CLASP1: variants seen among roughly 807,000 people sequenced by gnomAD.
The protein encoded by CLASP1 is cytoplasmic linker associated protein 1, also known as CLIP-associating protein 1.
A neutral mutation model predicts 192.3 loss-of-function variants in CLASP1; 38 were observed. The observed-to-expected ratio is 0.20, with a 90% CI of 0.15 to 0.26. The LOEUF is 0.26. CLASP1 is among the 10% of genes least tolerant of loss of function. The pLI is 1.00. For synonymous variants in CLASP1, 691 were observed against 712.8 expected (o/e 0.97, Z 0.49); for missense variants, 1,433 against 1,932.5 (o/e 0.74, Z 4.85).
intron 1 of CLASP1, among the ~76,000 whole-genome samples, chr2:121,628,404 G>A (rs953289128): frequency 2.6e-5 from 4 of 152,050 alleles, no homozygotes; most frequent in South Asian, 2.1e-4. Context: ...GGCCAGGCAC[G>A]ATGGCTTACA....
intron 8 of CLASP1, among the ~76,000 whole-genome samples, chr2:121,501,789 G>A (rs556140129): frequency 2.0e-5 from 3 of 152,238 alleles, no homozygotes; most frequent in South Asian, 4.2e-4. Flanking sequence ...GAGGAAAAGC[G>A]CTCAGACTTC....
In CLASP1 at chr2:121,474,723, G is replaced by A. The variant is rs553434944; in HGVS notation, c.713-4763C>T. Among the ~76,000 whole-genome samples, 11 of 152,210 alleles carry A rather than the reference G, an allele frequency of 7.2e-5. No individual in the cohort carries two copies. The South Asian group carries it at 1.5e-3, about 20-fold the overall frequency. On this transcript the variant is annotated intron_variant, in intron 8 of 39. Transcript: ENST00000263710. ...TGCCCTCCAGCGTGGGTGACAGAGC[G>A]AGACTCCGTTTCAAATAAAAAAGAG...
chr2:121,438,643 C>T (rs539827159), intron 19 of CLASP1, among the ~76,000 whole-genome samples: 80 of 152,130 alleles, frequency 5.3e-4, no homozygotes, highest in African/African-American at 1.1e-3. Context: ...TATTGATTTG[C>T]GTATATTGAA....
At chr2:121,355,408 T>C (rs1463999853) in intron 37 of CLASP1, among the ~76,000 whole-genome samples, 1 of 152,168 alleles carries the variant, frequency 6.6e-6, no homozygotes, top group Non-Finnish European at 1.5e-5. Context: ...GGATTACCGG[T>C]GTGAGCCACC....
At chr2:121,435,186 T>C (rs765218693) in intron 19 of CLASP1, among the ~76,000 whole-genome samples, 2 of 152,232 alleles carry the variant, frequency 1.3e-5, no homozygotes, top group Non-Finnish European at 1.5e-5. Flanking sequence ...AAATATTATA[T>C]TGCTAGAGCT....
At chr2:121,582,379 AAGAT>A (rs1467590131) in intron 2 of CLASP1, among the ~76,000 whole-genome samples, 2 of 146,946 alleles carry the variant, frequency 1.4e-5, no homozygotes, top group Non-Finnish European at 3.0e-5. Context: ...CAAAGACAGA[AAGAT>A]GGATGGATGG....
intron 23 of CLASP1, among the ~76,000 whole-genome samples, chr2:121,412,433 T>C (rs1196337122): frequency 1.3e-5 from 2 of 152,120 alleles, no homozygotes; most frequent in Non-Finnish European, 2.9e-5. Flanking sequence ...ATGTGAGATT[T>C]ACTATGCACA....
rs1251420338 is a variant in CLASP1 at position 121,592,575 on chromosome 2, A to T, written c.195+13126T>A. On this transcript the variant is annotated intron_variant, in intron 2 of 39. Coordinates refer to ENST00000263710, the Ensembl canonical transcript of CLASP1. ...ATACATTTCAAAAACATATGAAGCC[A>T]ACTAATAAATGAAGAAGGAATGGTG... Among the ~76,000 whole-genome samples, 5 of 152,242 alleles carry T rather than the reference A, an allele frequency of 3.3e-5. No individual in the cohort carries two copies. The East Asian group carries it at 9.6e-4, about 29-fold the overall frequency.
intron 2 of CLASP1, among the ~76,000 whole-genome samples, chr2:121,536,682 C>T (rs1478415264): frequency 1.3e-5 from 2 of 152,146 alleles, no homozygotes; most frequent in Non-Finnish European, 2.9e-5. Flanking sequence ...TAAAGTAAGC[C>T]AGTCACAAAG....
intron 37 of CLASP1, among the ~76,000 whole-genome samples, chr2:121,355,883 A>G (rs1385817842): frequency 6.6e-6 from 1 of 152,224 alleles, no homozygotes; most frequent in Non-Finnish European, 1.5e-5. Flanking sequence ...ATCAAAAACT[A>G]TTCCAATTCT....
chr2:121,404,584 A>G, intron 25 of CLASP1, 150 bp from the exon 27 acceptor site: 2 of 718,566 alleles, frequency 2.8e-6, no homozygotes, highest in East Asian at 2.8e-5. Context: ...CTCCCACCTC[A>G]GCCTCCCGAG....
At chr2:121,551,652 A>G (rs1031790701) in intron 2 of CLASP1, among the ~76,000 whole-genome samples, 10 of 152,160 alleles carry the variant, frequency 6.6e-5, no homozygotes, top group Non-Finnish European at 8.8e-5. Flanking sequence ...GGAAGGTAAA[A>G]GATCTCTACA....
intron 30 of CLASP1, among the ~76,000 whole-genome samples, chr2:121,395,745 G>C (rs1156493175): frequency 6.6e-6 from 1 of 152,170 alleles, no homozygotes; most frequent in Admixed American, 6.5e-5. Context: ...TCAGTTTGAA[G>C]GAAGTTGCCC....
chr2:121,394,663 C>T (rs1483902333), intron 30 of CLASP1, among the ~76,000 whole-genome samples: 1 of 152,124 alleles, frequency 6.6e-6, no homozygotes, highest in Admixed American at 6.5e-5. Flanking sequence ...GGGCGGATCA[C>T]GAGGTCAGGA....
Position 121,562,264 on chromosome 2 carries a change from C to T in CLASP1, c.196-31939G>A, listed in dbSNP as rs916031226. ...CTGGGCAGGCAGTCCACCCTCAGGG[C>T]CTGCCTGTGACCACTGCTAACCTGT... On this transcript the variant is annotated intron_variant, in intron 2 of 39. Coordinates refer to ENST00000263710, the Ensembl canonical transcript of CLASP1. 6.6e-5 allele frequency among the ~76,000 whole-genome samples: 10 copies of T among 152,342 alleles called. No homozygotes were observed. In the East Asian group the frequency reaches 1.9e-3, roughly 29 times the overall value.
intron 2 of CLASP1, among the ~76,000 whole-genome samples, chr2:121,554,232 G>T (rs1052713449): frequency 6.6e-6 from 1 of 151,758 alleles, no homozygotes; most frequent in African/African-American, 2.4e-5. Flanking sequence ...AAATTAAAAA[G>T]AAATAAATAA....
chr2:121,502,682 G>A (rs1054849736), intron 8 of CLASP1, among the ~76,000 whole-genome samples: 1 of 152,246 alleles, frequency 6.6e-6, no homozygotes, highest in African/African-American at 2.4e-5. Flanking sequence ...GGGCCATGGT[G>A]AGTTGGTGAA....
Position 121,345,743 on chromosome 2 carries a change from G to A in CLASP1, c.4530+1295C>T, listed in dbSNP as rs934240438. Among the ~76,000 whole-genome samples the A allele has an allele frequency of 1.7e-4, 26 of 152,204 alleles. 1 individual carries two copies. The highest frequency in any genetic ancestry group is 1.6e-3 in the Admixed American group (25 of 15,284). ...ATACACCTCTTCCAGCCTATCTGCT[G>A]ATTCCTGTTTACAAAAAGAGGACAG... is the stretch of plus-strand genomic sequence containing the variant. On this transcript the variant is annotated intron_variant, in intron 39 of 39. Transcript: ENST00000263710.
At chr2:121,544,061 T>C (rs1490532956) in intron 2 of CLASP1, among the ~76,000 whole-genome samples, 1 of 152,228 alleles carries the variant, frequency 6.6e-6, no homozygotes, top group African/African-American at 2.4e-5. Flanking sequence ...TGTTCACTAA[T>C]CCATTAGTCT....
Sources: gnomAD v4.1 joint callset for allele counts (sites outside exome capture counted in the v4.1 genomes callset) on GRCh38, gnomAD v4.1.1 for gene constraint, MANE v1.5 for transcripts, NCBI Gene and HGNC (gene_info 2026-07-23, HGNC 2026-07-21) for gene names.